SPAG5: variants seen among roughly 807,000 people sequenced by gnomAD.
The protein encoded by SPAG5 is sperm associated antigen 5, also known as sperm-associated antigen 5.
In SPAG5, 99 loss-of-function variants were observed where a neutral mutation model predicts 145.4. The ratio of observed to expected loss-of-function variants is 0.68; its 90% CI spans 0.58 to 0.80. SPAG5 has a LOEUF of 0.80. Among genes scored for constraint, SPAG5 ranks in the 30% least tolerant of loss-of-function variants. SPAG5 has a pLI of 0.00. For synonymous variants in SPAG5, 477 were observed against 525.4 expected, an observed-to-expected ratio of 0.91 and a Z score of 1.26; for missense variants, 1,192 against 1,416.0, an observed-to-expected ratio of 0.84 and a Z score of 2.54.
chr17:28,589,109 T>G (rs1027072816), intron 4 of SPAG5, among the ~76,000 whole-genome samples: 6 of 152,064 alleles, frequency 3.9e-5, no homozygotes, highest in African/African-American at 1.4e-4. Context: ...ATAATTTTTT[T>G]TTTTTTTGAG....
Position 28,598,789 on chromosome 17 carries a change from A to G in SPAG5, c.51+107T>C, listed in dbSNP as rs928524138. Reference sequence around the variant, plus strand: ...CAGCAAGGCGAACAAAGACTCCACAAGCCCCCAACCCCGGGCTCGACCCAA... The same window carrying G: ...CAGCAAGGCGAACAAAGACTCCACAGGCCCCCAACCCCGGGCTCGACCCAA... On this transcript the variant is annotated intron_variant, in intron 1 of 23. Coordinates refer to ENST00000321765, the MANE Select transcript of SPAG5 (RefSeq NM_006461.4). The G allele has an allele frequency of 7.2e-6, 11 of 1,518,006 alleles. 1 individual carries two copies. The African/African-American group carries it at 1.1e-4, about 15-fold the overall frequency. 94.0% of individuals were successfully genotyped at this position (1,518,006 alleles called of 1,614,324 possible).
intron 2 of SPAG5, among the ~76,000 whole-genome samples, chr17:28,597,096 A>T (rs1236168118): frequency 6.6e-6 from 1 of 150,474 alleles, no homozygotes; most frequent in Non-Finnish European, 1.5e-5. Flanking sequence ...TCAAAAAAAA[A>T]TTAATTAAAT....
chr17:28,596,941 C>T (rs976615328), intron 2 of SPAG5, among the ~76,000 whole-genome samples: 8 of 148,106 alleles, frequency 5.4e-5, no homozygotes, highest in African/African-American at 2.0e-4. Flanking sequence ...CCCGTCTTTA[C>T]TGAAAATACA....
At chr17:28,578,810 G>C (rs2070527254) in intron 19 of SPAG5, 58 bp from the exon 20 acceptor site, 1 of 1,399,184 alleles carries the variant, frequency 7.1e-7, no homozygotes, top group Admixed American at 1.7e-5. Flanking sequence ...CACAGCCCTT[G>C]CCAGGAGGTA....
intron 23 of SPAG5, 45 bp from the exon 24 acceptor site, chr17:28,577,815 G>C (rs2070515927): frequency 6.6e-7 from 1 of 1,519,382 alleles, no homozygotes; most frequent in African/African-American, 1.4e-5. Flanking sequence ...ACAGACTTAA[G>C]GCCCAGGGCT....
intron 14 of SPAG5, 39 bp downstream of exon 14, chr17:28,583,814 A>T: frequency 6.3e-7 from 1 of 1,582,646 alleles, no homozygotes; most frequent in Non-Finnish European, 8.6e-7. Context: ...AGAAAAAAAT[A>T]AGCACTTAGG....
intron 2 of SPAG5, among the ~76,000 whole-genome samples, chr17:28,596,349 T>C (rs757035742): frequency 1.3e-5 from 2 of 152,196 alleles, no homozygotes; most frequent in Non-Finnish European, 2.9e-5. Context: ...ATTCTGCTAT[T>C]GTGATTAAAT....
intron 1 of SPAG5, 95 bp from the exon 2 acceptor site, chr17:28,598,730 A>C (rs1473546708): frequency 1.3e-6 from 2 of 1,535,438 alleles, no homozygotes; most frequent in African/African-American, 2.7e-5. Context: ...AAATGCGATT[A>C]GAAGAGTACG....
Position 28,592,702 on chromosome 17 carries a change from C to T in SPAG5, c.542G>A (p.Arg181Lys), listed in dbSNP as rs1249011262. 2 of 1,614,174 alleles carry T rather than the reference C, an allele frequency of 1.2e-6. No homozygotes were observed. Among genetic ancestry groups the T allele is most frequent in the South Asian group, 2.2e-5 (2 of 91,084 alleles). The change falls in exon 3 of 24, where the codon AGG (arginine) becomes AAG (lysine). Residue 181 changes from arginine (R) to lysine (K), a missense_variant. Coordinates refer to ENST00000321765, the MANE Select transcript of SPAG5 (RefSeq NM_006461.4). Reference sequence around the variant, plus strand: ...AGATACAGCAGCAACTTCTGAAAACCTGTCTCCCATGCAGGGTGCCACCTC... The same window carrying T: ...AGATACAGCAGCAACTTCTGAAAACTTGTCTCCCATGCAGGGTGCCACCTC... ...REEVAPCMGD[R>K]FSEVAAVSEK... is the part of the protein sequence containing the mutation.
chr17:28,597,014 G>A (rs2070669900), intron 2 of SPAG5, among the ~76,000 whole-genome samples: 1 of 152,064 alleles, frequency 6.6e-6, no homozygotes, highest in South Asian at 2.1e-4. Flanking sequence ...TTGAACCCGG[G>A]AGGCAGAGGT....
At chr17:28,590,014 A>C (rs1597597482) in intron 4 of SPAG5, among the ~76,000 whole-genome samples, 1 of 152,224 alleles carries the variant, frequency 6.6e-6, no homozygotes, top group Admixed American at 6.5e-5. Context: ...TTTGACCGGA[A>C]GGCTTTAAAG....
At chr17:28,593,767 A>T (rs992716139) in intron 2 of SPAG5, among the ~76,000 whole-genome samples, 2 of 152,150 alleles carry the variant, frequency 1.3e-5, no homozygotes, top group Non-Finnish European at 2.9e-5. Flanking sequence ...ACCCTAACAA[A>T]ACAGAGCTGC....
intron 23 of SPAG5, 67 bp downstream of exon 23, chr17:28,577,943 T>C: frequency 7.2e-7 from 1 of 1,395,410 alleles, no homozygotes; most frequent in Non-Finnish European, 1.0e-6. Context: ...TCTGTGCTCA[T>C]TAGTACCTCC....
intron 15 of SPAG5, among the ~76,000 whole-genome samples, 183 bp downstream of exon 15, chr17:28,583,328 A>T (rs1032681587): frequency 3.3e-5 from 5 of 152,232 alleles, no homozygotes; most frequent in Admixed American, 2.6e-4. Flanking sequence ...TAGCTGGGGC[A>T]AAGTGTTCAT....
chr17:28,593,476 G>A (rs537790292), intron 2 of SPAG5, among the ~76,000 whole-genome samples: 1 of 152,102 alleles, frequency 6.6e-6, no homozygotes, highest in Admixed American at 6.5e-5. Context: ...TCGGCTGGGC[G>A]CAGTGGCTCA....
At chr17:28,578,904 G>A in intron 19 of SPAG5, 152 bp from the exon 20 acceptor site, 1 of 739,242 alleles carries the variant, frequency 1.4e-6, no homozygotes, top group South Asian at 1.6e-5. Flanking sequence ...AGCCAGGCAA[G>A]GCACATTTCA....
At position 28,586,578 on chromosome 17, in the gene SPAG5, C is replaced by A. The variant is rs191518745; in HGVS notation, c.1438-79G>T. 1.8e-5 allele frequency: 22 copies of A among 1,208,218 alleles called. No homozygotes were observed. In the East Asian group the frequency reaches 2.6e-4, roughly 14 times the overall value. The allele number at this position is 1,208,218 out of a possible 1,614,324, so 74.8% of individuals were successfully genotyped here. A position where few individuals can be genotyped will look rare whatever the true frequency, so the allele number is the denominator to read the frequency against. On this transcript the variant is annotated intron_variant, in intron 4 of 23. Coordinates refer to ENST00000321765, the MANE Select transcript of SPAG5 (RefSeq NM_006461.4). ...ACAGAGTCTTGCTCTATCATCCAGA[C>A]TGGAGTGCAGTGGCACAATCTCAGC... is the stretch of plus-strand genomic sequence containing the variant.
At chr17:28,587,709 C>G (rs2070595011) in intron 4 of SPAG5, among the ~76,000 whole-genome samples, 1 of 135,846 alleles carries the variant, frequency 7.4e-6, no homozygotes, top group African/African-American at 2.9e-5. Flanking sequence ...CAGAGTGAGA[C>G]CTCGTCTCAA....
At position 28,593,370 on chromosome 17, in the gene SPAG5, C is replaced by T. The variant is rs75939830; in HGVS notation, c.178-304G>A. ...CACTCATCTCCATTCTGAACTCTAA[C>T]GCACTTCTAGATGAACAGATAGGAG... is the stretch of plus-strand genomic sequence containing the variant. On this transcript the variant is annotated intron_variant, in intron 2 of 23. Transcript: ENST00000321765. Among the ~76,000 whole-genome samples the T allele has an allele frequency of 2.6e-4, 39 of 152,210 alleles. 1 individual carries two copies. The highest frequency in any genetic ancestry group is 8.7e-4 in the African/African-American group (36 of 41,540).
Sources: gnomAD v4.1 joint callset for allele counts (sites outside exome capture counted in the v4.1 genomes callset) on GRCh38, gnomAD v4.1.1 for gene constraint, MANE v1.5 for transcripts, NCBI Gene and HGNC (gene_info 2026-07-23, HGNC 2026-07-21) for gene names.